DIP2C: variants seen among roughly 807,000 people sequenced by gnomAD.
The protein encoded by DIP2C is DIP2 acetate--CoA ligase C (putative), also known as disco-interacting protein 2 homolog C.
In DIP2C, 33 loss-of-function variants were observed where a neutral mutation model predicts 192.4. That is an observed-to-expected ratio of 0.17 (90% confidence interval 0.13 to 0.23). The LOEUF is 0.23. Among genes scored for constraint, DIP2C ranks in the 10% least tolerant of loss-of-function variants. The probability of loss-of-function intolerance (pLI) is 1.00; values close to 1 mark genes in which losing one functional copy is unlikely to be tolerated. For synonymous variants in DIP2C, 979 were observed against 864.1 expected (o/e 1.13, Z -2.33); for missense variants, 1,537 against 2,110.1 (o/e 0.73, Z 5.32).
chr10:579,147 C>T (rs1850394482), intron 1 of DIP2C, among the ~76,000 whole-genome samples: 1 of 151,948 alleles, frequency 6.6e-6, no homozygotes, highest in South Asian at 2.1e-4. Context: ...ATGCGTAGAG[C>T]ATACACCCAG....
At chr10:387,966 G>T (rs1418180073) in intron 13 of DIP2C, among the ~76,000 whole-genome samples, 157 bp from the exon 14 acceptor site, 1 of 152,178 alleles carries the variant, frequency 6.6e-6, no homozygotes, top group Non-Finnish European at 1.5e-5. Context: ...CTCCAAGTAG[G>T]CCGGTTTGAG....
intron 32 of DIP2C, among the ~76,000 whole-genome samples, chr10:291,161 G>A (rs1955478248): frequency 6.6e-6 from 1 of 152,224 alleles, no homozygotes; most frequent in Non-Finnish European, 1.5e-5. Flanking sequence ...GCTGGCCAGT[G>A]CCTCACCCTC....
intron 10 of DIP2C, among the ~76,000 whole-genome samples, chr10:393,790 AAAAAAAG>A (rs1400169617): frequency 2.1e-4 from 28 of 133,962 alleles, no homozygotes; most frequent in Non-Finnish European, 3.1e-4. Flanking sequence ...AAAAAAAAAA[AAAAAAAG>A]AAAAAAAAAG....
intron 31 of DIP2C, among the ~76,000 whole-genome samples, chr10:311,736 A>G (rs1431416642): frequency 2.6e-5 from 4 of 152,198 alleles, no homozygotes; most frequent in Non-Finnish European, 5.9e-5. Context: ...TGAAAAGAAG[A>G]TCAAAAACAA....
intron 1 of DIP2C, among the ~76,000 whole-genome samples, chr10:685,797 A>G (rs532399633): frequency 1.6e-4 from 24 of 152,178 alleles, no homozygotes; most frequent in African/African-American, 5.8e-4. Context: ...CCCCATCTCT[A>G]CAAAGGTACA....
At chr10:542,146 C>A (rs1848027061) in intron 1 of DIP2C, among the ~76,000 whole-genome samples, 1 of 152,224 alleles carries the variant, frequency 6.6e-6, no homozygotes, top group Non-Finnish European at 1.5e-5. Context: ...CACTTGCCTG[C>A]TGGCTCCTGA....
chr10:427,896 A>G (rs1966697802), intron 4 of DIP2C, among the ~76,000 whole-genome samples: 1 of 152,230 alleles, frequency 6.6e-6, no homozygotes, highest in African/African-American at 2.4e-5. Flanking sequence ...AGAGTCAATC[A>G]TTCTACTTGG....
At chr10:648,823 C>T (rs1415962760) in intron 1 of DIP2C, among the ~76,000 whole-genome samples, 8 of 149,970 alleles carry the variant, frequency 5.3e-5, no homozygotes, top group South Asian at 2.1e-4. Flanking sequence ...ACTGAGTCCA[C>T]GTCCACATTT....
At chr10:595,938 A>G (rs1416204462) in intron 1 of DIP2C, among the ~76,000 whole-genome samples, 1 of 152,178 alleles carries the variant, frequency 6.6e-6, no homozygotes, top group African/African-American at 2.4e-5. Context: ...CGGAGGAAAA[A>G]GCTTATTTTT....
At position 637,563 on chromosome 10, in the gene DIP2C, C is replaced by A. The variant is rs548978859; in HGVS notation, c.85+51931G>T. Reference sequence around the variant, plus strand: ...CTCTGTAGTCCCTTTTATGAGGGCACAAATCCCATTTATGAGACCCTCATG... The same window carrying A: ...CTCTGTAGTCCCTTTTATGAGGGCAAAAATCCCATTTATGAGACCCTCATG... On this transcript the variant is annotated intron_variant, in intron 1 of 36. Transcript: ENST00000280886. 8.9e-4 allele frequency among the ~76,000 whole-genome samples: 136 copies of A among 152,340 alleles called. 1 individual carries two copies. The highest frequency in any genetic ancestry group is 3.2e-3 in the African/African-American group (131 of 41,570).
At chr10:587,206 A>T (rs552855392) in intron 1 of DIP2C, among the ~76,000 whole-genome samples, 6 of 135,920 alleles carry the variant, frequency 4.4e-5, no homozygotes, top group Non-Finnish European at 9.6e-5. Context: ...GTCTAAGGCC[A>T]GACTACCCGG....
intron 1 of DIP2C, among the ~76,000 whole-genome samples, chr10:558,705 A>AT (rs1849038454): frequency 6.6e-6 from 1 of 152,202 alleles, no homozygotes; most frequent in South Asian, 2.1e-4. Flanking sequence ...TAACATGCTT[A>AT]TCTATACAGG....
intron 24 of DIP2C, among the ~76,000 whole-genome samples, chr10:350,704 T>C (rs1487931072): frequency 6.7e-6 from 1 of 148,276 alleles, no homozygotes; most frequent in Non-Finnish European, 1.5e-5. Flanking sequence ...AGTGGCGCGA[T>C]CTCAGCTCAC....
At chr10:424,971 A>C (rs61837190) in intron 4 of DIP2C, among the ~76,000 whole-genome samples, 1 of 144,576 alleles carries the variant, frequency 6.9e-6, no homozygotes, top group Admixed American at 7.2e-5. Context: ...CATGACCAGC[A>C]GTGACTAATA....
intron 3 of DIP2C, among the ~76,000 whole-genome samples, chr10:466,129 C>T (rs1226355155): frequency 6.7e-6 from 1 of 148,192 alleles, no homozygotes; most frequent in Non-Finnish European, 1.5e-5. Flanking sequence ...CACTACCTGA[C>T]TTCAAACTTT....
intron 28 of DIP2C, among the ~76,000 whole-genome samples, chr10:344,517 CAG>C (rs989212374): frequency 1.3e-5 from 2 of 152,184 alleles, no homozygotes; most frequent in East Asian, 1.9e-4. Context: ...AAATTTATCA[CAG>C]AGCGTTCGGA....
Position 612,931 on chromosome 10 carries a change from T to G in DIP2C, c.85+76563A>C, listed in dbSNP as rs144069500. Among the ~76,000 whole-genome samples the G allele has an allele frequency of 3.2e-3, 483 of 152,270 alleles. 2 individuals carry two copies. Among genetic ancestry groups the G allele is most frequent in the Non-Finnish European group, 5.5e-3 (376 of 68,018 alleles). ...GTTTACTGTTAAATGCATGTAAAAT[T>G]TTAAGGGATCCGGCCCCCCTCCCAG... is the stretch of plus-strand genomic sequence containing the variant. On this transcript the variant is annotated intron_variant, in intron 1 of 36. Coordinates refer to ENST00000280886, the MANE Select transcript of DIP2C (RefSeq NM_014974.3).
At chr10:551,397 G>A (rs1055682513) in intron 1 of DIP2C, among the ~76,000 whole-genome samples, 3 of 152,222 alleles carry the variant, frequency 2.0e-5, no homozygotes, top group East Asian at 1.9e-4. Flanking sequence ...CAGGTGCCAC[G>A]GAGGCTGTGG....
chr10:348,620 C>G (rs377574974), intron 26 of DIP2C, 21 bp downstream of exon 26: 1 of 1,609,608 alleles, frequency 6.2e-7, no homozygotes, highest in Non-Finnish European at 8.5e-7. Context: ...GTGGAGGCCC[C>G]GACATTCCCA....
Sources: gnomAD v4.1 joint callset for allele counts (sites outside exome capture counted in the v4.1 genomes callset) on GRCh38, gnomAD v4.1.1 for gene constraint, MANE v1.5 for transcripts, NCBI Gene and HGNC (gene_info 2026-07-23, HGNC 2026-07-21) for gene names.